The following ZFHX3 variants were observed in gnomAD, a reference collection of about 807,000 sequenced individuals.
ZFHX3 encodes zinc finger homeobox 3.
ZFHX3 carries 42 observed loss-of-function variants against 279.1 expected under a neutral mutation model. The ratio of observed to expected loss-of-function variants is 0.15; its 90% confidence interval spans 0.12 to 0.19. The LOEUF is 0.19. Among genes scored for constraint, ZFHX3 ranks in the 10% least tolerant of loss-of-function variants. The probability of loss-of-function intolerance (pLI) is 1.00; values close to 1 mark genes in which losing one functional copy is unlikely to be tolerated. For missense variants in ZFHX3, 4,981 were observed against 4,754.0 expected, an observed-to-expected ratio of 1.05 and a Z score of -1.40; for synonymous variants, 2,293 against 1,957.8, an observed-to-expected ratio of 1.17 and a Z score of -4.52.
chr16:73,203,912 T>A (rs1053109919), intron 5 of ZFHX3, among the ~76,000 whole-genome samples: 2 of 152,178 alleles, frequency 1.3e-5, no homozygotes, highest in Non-Finnish European at 2.9e-5. Flanking sequence ...AAAGCTGGAA[T>A]TGTTCTAAGA....
chr16:72,931,624 T>C (rs900276540), intron 3 of ZFHX3, among the ~76,000 whole-genome samples: 13 of 151,094 alleles, frequency 8.6e-5, no homozygotes, highest in African/African-American at 1.5e-4. Flanking sequence ...TTTAAATTAA[T>C]GGGTAACAAA....
intron 1 of ZFHX3, among the ~76,000 whole-genome samples, chr16:73,707,930 T>C (rs1231292854): frequency 6.6e-6 from 1 of 152,106 alleles, no homozygotes; most frequent in East Asian, 1.9e-4. Context: ...AGATTTCCAA[T>C]GGACTTGAAA....
rs903896843 is a variant in ZFHX3 at position 72,784,606 on chromosome 16, G to A, written c.*2558C>T. 6.6e-6 allele frequency: 1 copy of A among 151,808 alleles called. No homozygotes were observed. Among genetic ancestry groups the A allele is most frequent in the African/African-American group, 2.4e-5 (1 of 41,252 alleles). The allele number at this position is 151,808 out of a possible 1,614,324, so 9.4% of individuals were successfully genotyped here. The stretch of plus-strand genomic sequence containing the variant: ...ATAAAATAATGGAAAACAAAAAACT[G>A]TACAACTTTAAAATTTAAAAATGTT... On this transcript the variant is annotated 3_prime_UTR_variant, in exon 10 of 10. Transcript: ENST00000268489.
At chr16:72,918,448 G>T (rs1252277603) in intron 3 of ZFHX3, among the ~76,000 whole-genome samples, 4 of 152,074 alleles carry the variant, frequency 2.6e-5, no homozygotes, top group Admixed American at 1.3e-4. Flanking sequence ...ATCAAATATT[G>T]CAAAGTTTTA....
intron 3 of ZFHX3, among the ~76,000 whole-genome samples, chr16:73,426,224 C>A (rs1421206931): frequency 6.6e-6 from 1 of 152,178 alleles, no homozygotes; most frequent in Non-Finnish European, 1.5e-5. Flanking sequence ...CTGGGAGGTG[C>A]TCTTTCTGCA....
At chr16:73,770,173 A>T (rs1490428810) in intron 1 of ZFHX3, among the ~76,000 whole-genome samples, 2 of 152,232 alleles carry the variant, frequency 1.3e-5, no homozygotes, top group Non-Finnish European at 2.9e-5. Flanking sequence ...GGTCCAGTGT[A>T]ATCACAAAGG....
chr16:72,812,068 GCA>G lies in ZFHX3; in HGVS notation c.3530-32_3530-31del, dbSNP rs765106768. The G allele has an allele frequency of 5.0e-6, 8 of 1,611,268 alleles. No individual in the cohort carries two copies. The African/African-American group carries it at 1.1e-4, about 21-fold the overall frequency. ...AAGAGAAAGTAGAAGATGCAATACA[GCA>G]GCCAGACCAGGCCAGCTCCCAGAGG... On this transcript the variant is annotated intron_variant, in intron 5 of 9. Transcript: ENST00000268489.
intron 1 of ZFHX3, among the ~76,000 whole-genome samples, chr16:72,996,254 AG>A (rs1345626259): frequency 2.0e-5 from 3 of 152,220 alleles, no homozygotes; most frequent in African/African-American, 7.2e-5. Context: ...ACTGCACTCC[AG>A]CCTGGTGACA....
At chr16:72,799,729 A>G (rs1459613606) in intron 8 of ZFHX3, among the ~76,000 whole-genome samples, 3 of 152,220 alleles carry the variant, frequency 2.0e-5, no homozygotes, top group Non-Finnish European at 4.4e-5. Flanking sequence ...GGTAGGGCCT[A>G]CTGACTGAGT....
chr16:73,295,815 C>T (rs1457348587), intron 4 of ZFHX3, among the ~76,000 whole-genome samples: 1 of 152,162 alleles, frequency 6.6e-6, no homozygotes, highest in East Asian at 1.9e-4. Flanking sequence ...GATGCATAAG[C>T]AAGAAGAATA....
intron 4 of ZFHX3, among the ~76,000 whole-genome samples, chr16:73,258,829 C>T (rs77968468): frequency 0.028 from 4,276 of 152,248 alleles, 194 homozygotes; most frequent in African/African-American, 0.098. Context: ...AATTCTTTCT[C>T]TCTCACTTCT....
chr16:73,515,427 A>G (rs1437131808), intron 2 of ZFHX3, among the ~76,000 whole-genome samples: 1 of 151,696 alleles, frequency 6.6e-6, no homozygotes, highest in Non-Finnish European at 1.5e-5. Context: ...AAGGGAGAAG[A>G]CCAGAGAGGA....
chr16:73,227,033 AT>A (rs1281349601), intron 5 of ZFHX3, among the ~76,000 whole-genome samples: 1 of 152,222 alleles, frequency 6.6e-6, no homozygotes, highest in Non-Finnish European at 1.5e-5. Context: ...TTACAGAATG[AT>A]TCGTGAGTAC....
intron 7 of ZFHX3, among the ~76,000 whole-genome samples, chr16:73,103,901 A>G (rs1966261696): frequency 6.6e-6 from 1 of 152,240 alleles, no homozygotes; most frequent in South Asian, 2.1e-4. Context: ...GAAATAATGT[A>G]GTAAACCAAG....
intron 5 of ZFHX3, among the ~76,000 whole-genome samples, chr16:72,823,876 G>A (rs1367494418): frequency 3.9e-5 from 6 of 152,228 alleles, no homozygotes; most frequent in Admixed American, 2.6e-4. Context: ...TGACTCCTAC[G>A]AGTCCTGTAT....
chr16:73,735,723 A>T (rs371154895), intron 1 of ZFHX3, among the ~76,000 whole-genome samples: 214 of 152,048 alleles, frequency 1.4e-3, no homozygotes, highest in Admixed American at 2.9e-3. Context: ...GCCTCCCCAT[A>T]GACATTCCCT....
intron 2 of ZFHX3, among the ~76,000 whole-genome samples, chr16:73,566,534 T>G (rs2020452862): frequency 6.6e-6 from 1 of 152,130 alleles, no homozygotes; most frequent in African/African-American, 2.4e-5. Flanking sequence ...TGTAGACTCA[T>G]CATCCCAATC....
At chr16:72,924,786 C>T (rs147462015) in intron 3 of ZFHX3, among the ~76,000 whole-genome samples, 4 of 152,300 alleles carry the variant, frequency 2.6e-5, no homozygotes, top group South Asian at 2.1e-4. Flanking sequence ...AAACCCTTCT[C>T]GTTCACTCTC....
intron 2 of ZFHX3, among the ~76,000 whole-genome samples, chr16:73,673,283 C>A (rs2052922101): frequency 6.6e-6 from 1 of 152,070 alleles, no homozygotes; most frequent in South Asian, 2.1e-4. Context: ...TACTTTTAAG[C>A]TGGGTCGTAA....
Sources: allele counts gnomAD v4.1 joint callset (sites outside exome capture counted in the v4.1 genomes callset), GRCh38; gene constraint gnomAD v4.1.1; transcripts MANE v1.5; gene names NCBI Gene and HGNC (gene_info 2026-07-23, HGNC 2026-07-21).